Variants in TLN2 observed in about 807,000 individuals in gnomAD.
The protein encoded by TLN2 is talin-2.
TLN2 carries 118 observed loss-of-function variants against 294.7 expected under a neutral mutation model. That is an observed-to-expected ratio of 0.40 (90% CI 0.34 to 0.47). TLN2 has a LOEUF of 0.47. TLN2 is among the 20% of genes least tolerant of loss of function. TLN2 has a pLI of 0.84. For synonymous variants in TLN2, 1,431 were observed against 1,304.5 expected, an observed-to-expected ratio of 1.10 and a Z score of -2.09; for missense variants, 3,083 against 3,282.2, an observed-to-expected ratio of 0.94 and a Z score of 1.48.
At chr15:62,598,555 T>C (rs1180402748) in intron 2 of TLN2, among the ~76,000 whole-genome samples, 1 of 152,146 alleles carries the variant, frequency 6.6e-6, no homozygotes, top group Non-Finnish European at 1.5e-5. Flanking sequence ...TACCCAACCC[T>C]GCTGGTAAAT....
chr15:62,605,031 TTG>T (rs1185563082), intron 2 of TLN2, among the ~76,000 whole-genome samples: 3 of 152,116 alleles, frequency 2.0e-5, no homozygotes, highest in Non-Finnish European at 4.4e-5. Flanking sequence ...AAACAGTATT[TTG>T]TTTGTGGGAA....
intron 1 of TLN2, among the ~76,000 whole-genome samples, chr15:62,469,696 A>C (rs377320420): frequency 6.6e-6 from 1 of 152,244 alleles, no homozygotes; most frequent in African/African-American, 2.4e-5. Context: ...AAGCACCCTT[A>C]AAGCACTAAC....
At chr15:62,401,990 C>T (rs1195662782) in intron 1 of TLN2, among the ~76,000 whole-genome samples, 1 of 152,156 alleles carries the variant, frequency 6.6e-6, no homozygotes, top group Non-Finnish European at 1.5e-5. Context: ...AGGACAGCCC[C>T]ACACAACAAA....
At chr15:62,453,414 C>T (rs2036270711) in intron 1 of TLN2, among the ~76,000 whole-genome samples, 2 of 152,242 alleles carry the variant, frequency 1.3e-5, no homozygotes, top group Middle Eastern at 3.4e-3. Context: ...CAAAAGTGTG[C>T]TCTAATACAA....
Position 62,840,744 on chromosome 15 carries a change from G to A in TLN2, c.*134G>A. 1 of 1,268,216 alleles carries A rather than the reference G, an allele frequency of 7.9e-7. No homozygotes were observed. Among genetic ancestry groups the A allele is most frequent in the Non-Finnish European group, 1.1e-6 (1 of 936,550 alleles). 78.6% of individuals were successfully genotyped at this position (1,268,216 alleles called of 1,614,324 possible). On this transcript the variant is annotated 3_prime_UTR_variant, in exon 59 of 59. Coordinates refer to ENST00000636159, the MANE Select transcript of TLN2 (RefSeq NM_015059.3). ...GGTGAGCCTGGAGCCCTGCGTGCTT[G>A]TTCTCACATCTCTGTCCCGTCGGCA... is the stretch of plus-strand genomic sequence containing the variant.
At chr15:62,838,473 T>G (rs1311728234) in intron 57 of TLN2, among the ~76,000 whole-genome samples, 1 of 152,300 alleles carries the variant, frequency 6.6e-6, no homozygotes, top group Middle Eastern at 3.4e-3. Flanking sequence ...CTCAAGTATG[T>G]GCTAAATCAG....
Position 62,805,703 on chromosome 15 carries a change from G to A in TLN2, c.6581G>A (p.Gly2194Glu). The A allele has an allele frequency of 6.2e-7, 1 of 1,614,186 alleles. No homozygotes were observed. The highest frequency in any genetic ancestry group is 8.5e-7 in the Non-Finnish European group (1 of 1,180,026). Residue 2194 changes from glycine to glutamate, a missense_variant, in exon 51 of 59, where the codon GGG (glycine) becomes GAG (glutamate). Gly to Glu is a moderately conservative substitution (Grantham distance 98). Coordinates refer to ENST00000636159, the MANE Select transcript of TLN2 (RefSeq NM_015059.3). ...TMATAKAVAA[G>E]NSCRQEDVIA... ...GCAACAGCCAAAGCCGTGGCAGCTGGGAACTCATGTAGACAGGAGGACGTG... is the reference window on the plus strand; with the variant it reads ...GCAACAGCCAAAGCCGTGGCAGCTGAGAACTCATGTAGACAGGAGGACGTG...
Position 62,755,528 on chromosome 15 carries a change from G to C in TLN2, c.4477-4G>C. 1.2e-6 allele frequency: 2 copies of C among 1,614,008 alleles called. No homozygotes were observed. Among genetic ancestry groups the C allele is most frequent in the Non-Finnish European group, 1.7e-6 (2 of 1,179,924 alleles). The stretch of plus-strand genomic sequence containing the variant: ...TACCCCCAACCTAGCTCCATGCTTT[G>C]TAGGTCCTGTCAGCCGCCACAATTG... On this transcript the variant is annotated splice_region_variant and splice_polypyrimidine_tract_variant and intron_variant, in intron 36 of 58. Transcript: ENST00000636159.
At chr15:62,824,472 T>A (rs1292856607) in intron 54 of TLN2, among the ~76,000 whole-genome samples, 1 of 152,254 alleles carries the variant, frequency 6.6e-6, no homozygotes, top group Non-Finnish European at 1.5e-5. Context: ...CAGATCAGTT[T>A]TCTATGACTT....
chr15:62,423,698 A>C (rs1250040742), intron 1 of TLN2, among the ~76,000 whole-genome samples: 3 of 151,926 alleles, frequency 2.0e-5, no homozygotes, highest in Non-Finnish European at 2.9e-5. Flanking sequence ...CTTGTGCCTC[A>C]GCCTCCCAAG....
At chr15:62,508,353 A>G (rs968629188) in intron 1 of TLN2, among the ~76,000 whole-genome samples, 3 of 152,068 alleles carry the variant, frequency 2.0e-5, no homozygotes, top group Non-Finnish European at 2.9e-5. Flanking sequence ...GGTAGCTGGG[A>G]CTACAGGCGC....
chr15:62,596,264 C>CA (rs71129015), intron 2 of TLN2, among the ~76,000 whole-genome samples: 2,979 of 81,564 alleles, frequency 0.037, 93 homozygotes, highest in Middle Eastern at 0.054. Context: ...GACTCCATCT[C>CA]AAAAAAAAAA....
chr15:62,657,153 TGG>T (rs35956846), intron 8 of TLN2, among the ~76,000 whole-genome samples: 2 of 139,394 alleles, frequency 1.4e-5, no homozygotes, highest in African/African-American at 2.7e-5. Context: ...GCTGAAAAGG[TGG>T]GGGGGGGAAG....
At chr15:62,716,138 A>G (rs919518177) in intron 22 of TLN2, among the ~76,000 whole-genome samples, 193 bp from the exon 23 acceptor site, 2 of 152,228 alleles carry the variant, frequency 1.3e-5, no homozygotes, top group Non-Finnish European at 2.9e-5. Flanking sequence ...CTGCTTAGCT[A>G]TGCAATTTTG....
chr15:62,408,840 T>C (rs2033586342), intron 1 of TLN2, among the ~76,000 whole-genome samples: 1 of 152,142 alleles, frequency 6.6e-6, no homozygotes, highest in African/African-American at 2.4e-5. Flanking sequence ...TTTTTTAATT[T>C]GTAGAGACTA....
chr15:62,547,479 A>T (rs916572140), intron 1 of TLN2, among the ~76,000 whole-genome samples: 10 of 152,220 alleles, frequency 6.6e-5, no homozygotes, highest in African/African-American at 2.2e-4. Context: ...ATGGGGGTAA[A>T]TCCCAACCTC....
chr15:62,530,328 G>A (rs766605413), intron 1 of TLN2, among the ~76,000 whole-genome samples: 2 of 151,154 alleles, frequency 1.3e-5, no homozygotes, highest in East Asian at 1.9e-4. Context: ...TTGTTTGTTT[G>A]TTTATTTATT....
At chr15:62,832,537 C>T (rs537281833) in intron 54 of TLN2, 5 of 152,386 alleles carry the variant, frequency 3.3e-5, no homozygotes, top group East Asian at 3.9e-4. Context: ...TTTTCAACTT[C>T]CTGAGTTGTT....
chr15:62,618,793 G>A (rs1481244224), intron 3 of TLN2, among the ~76,000 whole-genome samples: 2 of 152,206 alleles, frequency 1.3e-5, no homozygotes, highest in African/African-American at 4.8e-5. Context: ...GGTTTTTAGA[G>A]TGAAATATTG....
Sources: gnomAD v4.1 joint callset for allele counts (sites outside exome capture counted in the v4.1 genomes callset) on GRCh38, gnomAD v4.1.1 for gene constraint, MANE v1.5 for transcripts, NCBI Gene and HGNC (gene_info 2026-07-23, HGNC 2026-07-21) for gene names.